The following EPHA1 variants were observed in gnomAD, a reference collection of about 807,000 sequenced individuals.
EPHA1 encodes the protein ephrin type-A receptor 1.
EPHA1 carries 92 observed loss-of-function variants against 110.1 expected under a neutral mutation model. The observed-to-expected ratio is 0.84, with a 90% CI of 0.71 to 0.99. EPHA1 has a LOEUF of 0.99. Among genes scored for constraint, EPHA1 ranks in the 50% least tolerant of loss-of-function variants. The pLI, the probability that EPHA1 is intolerant of heterozygous loss-of-function variation, is 0.00. For missense variants in EPHA1, 1,204 were observed against 1,285.4 expected, an observed-to-expected ratio of 0.94 and a Z score of 0.97; for synonymous variants, 500 against 516.1, an observed-to-expected ratio of 0.97 and a Z score of 0.42.
Position 143,393,842 on chromosome 7 carries a change from C to T in EPHA1, c.2525G>A (p.Gly842Glu), listed in dbSNP as rs764660537. Residue 842 changes from glycine to glutamate, a missense_variant, in exon 16 of 18, where the codon GGG (glycine) becomes GAG (glutamate). Coordinates refer to ENST00000275815, the MANE Select transcript of EPHA1 (RefSeq NM_005232.5). The surrounding 1 kb of genome is among the most constrained non-coding windows in gnomAD (Gnocchi z 5.6). ...NQEVMKSIED[G>E]YRLPPPVDCP... is the part of the protein sequence containing the mutation. ...GTCCACAGGAGGGGGCAACCGGTACCCATCCTCAATGCTCTTCATAACCTG... is the reference window on the plus strand; with the variant it reads ...GTCCACAGGAGGGGGCAACCGGTACTCATCCTCAATGCTCTTCATAACCTG... 3.2e-6 allele frequency: 5 copies of T among 1,575,280 alleles called. No individual in the cohort carries two copies. In the East Asian group the frequency reaches 9.0e-5, roughly 28 times the overall value.
chr7:143,397,845 C>T (rs896939396), intron 8 of EPHA1, 75 bp downstream of exon 8: 15 of 1,586,238 alleles, frequency 9.5e-6, no homozygotes, highest in Admixed American at 8.6e-5. Context: ...AAAGTCACTA[C>T]GTGGAACAGG....
intron 17 of EPHA1, 32 bp from the exon 18 acceptor site, chr7:143,391,567 C>T (rs376323394): frequency 2.6e-5 from 42 of 1,614,094 alleles, no homozygotes; most frequent in South Asian, 1.9e-4. Context: ...GGCATGAGTC[C>T]GGAGGCTCCA....
chr7:143,407,762 C>T (rs1805595766), intron 1 of EPHA1, 84 bp from the exon 2 acceptor site: 3 of 1,263,454 alleles, frequency 2.4e-6, no homozygotes, highest in African/African-American at 1.5e-5. Flanking sequence ...GGGGCCTCAG[C>T]CCCAGGCTGC....
At chr7:143,399,452 G>A (rs998729754) in intron 4 of EPHA1, 39 bp from the exon 5 acceptor site, 12 of 1,548,762 alleles carry the variant, frequency 7.7e-6, no homozygotes, top group African/African-American at 1.4e-5. Flanking sequence ...TTCTGTAAAT[G>A]TTTTTACAGG....
chr7:143,394,120 G>A, intron 15 of EPHA1, 74 bp downstream of exon 15: 2 of 1,526,778 alleles, frequency 1.3e-6, no homozygotes, highest in East Asian at 2.3e-5. Context: ...GCAGGAAAAG[G>A]CCATGGGAGG....
Position 143,401,579 on chromosome 7 carries a change from A to G in EPHA1, c.177T>C (p.Asn59=), listed in dbSNP as rs780645692. 2.1e-5 allele frequency: 34 copies of G among 1,613,598 alleles called. No homozygotes were observed. The highest frequency in any genetic ancestry group is 2.5e-5 in the Non-Finnish European group (30 of 1,179,698). ...DGWSEQQQIL[N]GTPLYMYQDC... ...CCTGGTACATGTACAGGGGTGTCCC[A>G]TTCAGTATCTGTTGCTGTTCACTCC... Residue 59 remains asparagine (N), a synonymous_variant, in exon 3 of 18, where the codon AAT becomes AAC. Transcript: ENST00000275815. This position sits in a 1 kb window ranked among gnomAD's most constrained non-coding sequence, Gnocchi z 4.1.
In EPHA1 at chr7:143,391,426, A is replaced by G. The variant is rs746016391; in HGVS notation, c.*31T>C. The G allele has an allele frequency of 2.5e-6, 4 of 1,613,208 alleles. No homozygotes were observed. In the African/African-American group the frequency reaches 5.3e-5, roughly 22 times the overall value. The stretch of plus-strand genomic sequence containing the variant: ...CCTTGGCCCCGTCCTTGCTCCTTGC[A>G]CCCTGATTGGGCATGGGGTGAGAGG... On this transcript the variant is annotated 3_prime_UTR_variant, in exon 18 of 18. Coordinates refer to ENST00000275815, the MANE Select transcript of EPHA1 (RefSeq NM_005232.5).
At position 143,394,415 on chromosome 7, in the gene EPHA1, A is replaced by G. The variant is rs887309265; in HGVS notation, c.2353-72T>C. 24 of 1,490,536 alleles carry G rather than the reference A, an allele frequency of 1.6e-5. No individual in the cohort carries two copies. The East Asian group carries it at 3.7e-4, about 23-fold the overall frequency. 92.3% of individuals were successfully genotyped at this position (1,490,536 alleles called of 1,614,324 possible). On this transcript the variant is annotated intron_variant, in intron 14 of 17. Coordinates refer to ENST00000275815, the MANE Select transcript of EPHA1 (RefSeq NM_005232.5). The stretch of plus-strand genomic sequence containing the variant: ...GAGCACGAGTCTTTCTGCTTCTTTT[A>G]TTGTATTTTTATTTTATTTTTTTTG...
chr7:143,397,016 T>A (rs1805269902), intron 10 of EPHA1, among the ~76,000 whole-genome samples: 1 of 152,112 alleles, frequency 6.6e-6, no homozygotes, highest in Non-Finnish European at 1.5e-5. Context: ...TGGGGAGGGC[T>A]GTCCAGAGCC....
chr7:143,398,573 C>G, intron 6 of EPHA1, 28 bp downstream of exon 6: 1 of 1,608,194 alleles, frequency 6.2e-7, no homozygotes, highest in Non-Finnish European at 8.5e-7. Context: ...CCACCAGGTC[C>G]CTGTCCCAGC....
intron 11 of EPHA1, among the ~76,000 whole-genome samples, chr7:143,396,111 G>A (rs747859629): frequency 6.6e-6 from 1 of 152,258 alleles, no homozygotes; most frequent in Non-Finnish European, 1.5e-5. Flanking sequence ...GATGAAAACA[G>A]TGTATTTAAT....
intron 1 of EPHA1, 99 bp downstream of exon 1, chr7:143,408,625 A>G: frequency 4.5e-6 from 1 of 223,484 alleles, no homozygotes; most frequent in African/African-American, 1.2e-4. Flanking sequence ...CTCGGGGAAC[A>G]TGGCCCCTAG....
rs756383416 is a variant in EPHA1, at chr7:143,399,244, C to T, written c.991+14G>A. 8.1e-6 allele frequency: 13 copies of T among 1,608,776 alleles called. No homozygotes were observed. Among genetic ancestry groups the T allele is most frequent in the Non-Finnish European group, 1.1e-5 (13 of 1,178,566 alleles). On this transcript the variant is annotated intron_variant, in intron 5 of 17. Transcript: ENST00000275815. Reference sequence around the variant, plus strand: ...CCTCCCTCCAGATGGCCACGCCCCACCCCCTGGACTCACCTGTGCATGCCA... The same window carrying T: ...CCTCCCTCCAGATGGCCACGCCCCATCCCCTGGACTCACCTGTGCATGCCA...
chr7:143,405,627 G>A (rs2116639120), intron 2 of EPHA1, among the ~76,000 whole-genome samples: 1 of 152,268 alleles, frequency 6.6e-6, no homozygotes, highest in Middle Eastern at 3.4e-3. Flanking sequence ...GGGTGGAGGT[G>A]TCAAGGGCCC....
At chr7:143,400,251 T>C (rs1325652389) in intron 3 of EPHA1, among the ~76,000 whole-genome samples, 198 bp from the exon 4 acceptor site, 1 of 152,204 alleles carries the variant, frequency 6.6e-6, no homozygotes. Context: ...GATGGCTTAT[T>C]GTCTCTATTT....
rs1805232015 is a variant in EPHA1 at position 143,395,914 on chromosome 7, T to C, written c.1898-410A>G. ...CAGCTTGCCTGGCTCAGCTGCACAA[T>C]TGGCAAGGACACCACCAAGCTTTGT... On this transcript the variant is annotated intron_variant, in intron 11 of 17. Coordinates refer to ENST00000275815, the MANE Select transcript of EPHA1 (RefSeq NM_005232.5). The surrounding 1 kb of genome is among the most constrained non-coding windows in gnomAD (Gnocchi z 4.7). Among the ~76,000 whole-genome samples, 1 of 152,182 alleles carries C rather than the reference T, an allele frequency of 6.6e-6. No homozygotes were observed. Among genetic ancestry groups the C allele is most frequent in the African/African-American group, 2.4e-5 (1 of 41,438 alleles).
chr7:143,408,213 T>G (rs1314488648), intron 1 of EPHA1, among the ~76,000 whole-genome samples: 1 of 150,870 alleles, frequency 6.6e-6, no homozygotes, highest in Non-Finnish European at 1.5e-5. Flanking sequence ...TGGGGGGGAG[T>G]AAGGCCGGAG....
intron 8 of EPHA1, 52 bp from the exon 9 acceptor site, chr7:143,397,709 GAGGGGGGTTAA>G: frequency 6.2e-7 from 1 of 1,605,068 alleles, no homozygotes; most frequent in Non-Finnish European, 8.5e-7. Flanking sequence ...CCGTAGGAAT[GAGGGGGGTTAA>G]AGGGCAGGGC....
In EPHA1 at chr7:143,391,456, A is replaced by T. The variant is rs762405382; in HGVS notation, c.*1T>A. On this transcript the variant is annotated 3_prime_UTR_variant, in exon 18 of 18. Coordinates refer to ENST00000275815, the MANE Select transcript of EPHA1 (RefSeq NM_005232.5). ...GATTGGGCATGGGGTGAGAGGAGGGATCAGTCCTTGAATCCCTGAATACTG... is the reference window on the plus strand; with the variant it reads ...GATTGGGCATGGGGTGAGAGGAGGGTTCAGTCCTTGAATCCCTGAATACTG... The T allele has an allele frequency of 6.2e-7, 1 of 1,614,014 alleles. No homozygotes were observed. The highest frequency in any genetic ancestry group is 8.5e-7 in the Non-Finnish European group (1 of 1,179,982).
Sources: allele counts gnomAD v4.1 joint callset (sites outside exome capture counted in the v4.1 genomes callset), GRCh38; gene constraint gnomAD v4.1.1; non-coding constraint Gnocchi (gnomAD v3.1); transcripts MANE v1.5; gene names NCBI Gene and HGNC (gene_info 2026-07-23, HGNC 2026-07-21).